EIPR1: variants seen among roughly 807,000 people sequenced by gnomAD.
EIPR1 encodes the protein EARP and GARP complex-interacting protein 1.
EIPR1 carries 25 observed loss-of-function variants against 48.1 expected under a neutral mutation model. The ratio of observed to expected loss-of-function variants is 0.52; its 90% CI spans 0.38 to 0.73. EIPR1 has a LOEUF of 0.73. EIPR1 is among the 30% of genes least tolerant of loss of function. The probability of loss-of-function intolerance (pLI) is 0.00; values close to 1 mark genes in which losing one functional copy is unlikely to be tolerated. For synonymous variants in EIPR1, 204 were observed against 201.9 expected (o/e 1.01, Z -0.09); for missense variants, 415 against 506.2 (o/e 0.82, Z 1.73).
At chr2:3,349,851 C>T (rs1223443340) in intron 2 of EIPR1, among the ~76,000 whole-genome samples, 4 of 152,120 alleles carry the variant, frequency 2.6e-5, no homozygotes, top group African/African-American at 4.8e-5. Context: ...AGGCCAGGTA[C>T]GGTGGCTCAC....
At chr2:3,243,058 A>C (rs1018383456) in intron 4 of EIPR1, among the ~76,000 whole-genome samples, 1 of 152,204 alleles carries the variant, frequency 6.6e-6, no homozygotes, top group Non-Finnish European at 1.5e-5. Context: ...TCTGACAGGC[A>C]AGCATGGAAG....
intron 4 of EIPR1, among the ~76,000 whole-genome samples, chr2:3,246,586 C>T (rs1170411504): frequency 6.6e-6 from 1 of 152,130 alleles, no homozygotes; most frequent in East Asian, 1.9e-4. Flanking sequence ...CAGAAACTGG[C>T]TCAGATGGCA....
chr2:3,285,622 C>A lies in EIPR1; in HGVS notation c.260-28167G>T, dbSNP rs200218738. ...GGTGGAGCCTCAGCTTCTGATGCTG[C>A]GCAAGAGTTACTAACACATGGAGCA... On this transcript the variant is annotated intron_variant, in intron 3 of 8. Transcript: ENST00000382125. Among the ~76,000 whole-genome samples the A allele has an allele frequency of 1.1e-4, 16 of 152,340 alleles. No homozygotes were observed. The East Asian group carries it at 2.3e-3, about 22-fold the overall frequency.
chr2:3,197,003 C>T lies in EIPR1; in HGVS notation c.531G>A (p.Ala177=), dbSNP rs776819922. The T allele has an allele frequency of 2.4e-5, 38 of 1,613,734 alleles. No individual in the cohort carries two copies. The highest frequency in any genetic ancestry group is 1.6e-4 in the Middle Eastern group (1 of 6,082). Reference sequence around the variant, plus strand: ...TCAGTTGTCCCTTCCCTTCCAGGGACGCTGAGCTGGCCAGCTGGGAGTGTC... The same window carrying T: ...TCAGTTGTCCCTTCCCTTCCAGGGATGCTGAGCTGGCCAGCTGGGAGTGTC... The part of the protein sequence containing the change: ...SSSQAVLASS[A]SLEGKGQLKF... Residue 177 remains alanine, a synonymous_variant, in exon 6 of 9, where the codon GCG becomes GCA. Transcript: ENST00000382125.
At chr2:3,287,117 G>A (rs1009814260) in intron 3 of EIPR1, among the ~76,000 whole-genome samples, 5 of 152,230 alleles carry the variant, frequency 3.3e-5, no homozygotes, top group African/African-American at 1.2e-4. Flanking sequence ...AGACCCAGCT[G>A]CAGCACCAAG....
chr2:3,198,750 T>C (rs964707328), intron 5 of EIPR1, among the ~76,000 whole-genome samples: 1 of 151,962 alleles, frequency 6.6e-6, no homozygotes, highest in South Asian at 2.1e-4. Context: ...AGTGTACGAA[T>C]AGGGTGTGGG....
intron 3 of EIPR1, among the ~76,000 whole-genome samples, chr2:3,283,970 G>T: frequency 6.8e-6 from 1 of 147,572 alleles, no homozygotes; most frequent in African/African-American, 2.5e-5. Flanking sequence ...AAAAAAGAAA[G>T]AAAGAAAAAA....
chr2:3,313,842 G>A (rs1306183714), intron 3 of EIPR1, among the ~76,000 whole-genome samples: 1 of 152,196 alleles, frequency 6.6e-6, no homozygotes, highest in African/African-American at 2.4e-5. Flanking sequence ...ACAGGATTCG[G>A]ATCAGGGAGG....
At chr2:3,359,379 G>A (rs748611970) in intron 1 of EIPR1, among the ~76,000 whole-genome samples, 1 of 152,146 alleles carries the variant, frequency 6.6e-6, no homozygotes, top group African/African-American at 2.4e-5. Context: ...TTGCAGAGCC[G>A]AGAGCTGCAT....
chr2:3,354,295 C>T (rs1670664676), intron 2 of EIPR1, among the ~76,000 whole-genome samples: 1 of 152,218 alleles, frequency 6.6e-6, no homozygotes, highest in Admixed American at 6.5e-5. Flanking sequence ...AAAGCCAAAT[C>T]TATATAACCA....
intron 6 of EIPR1, 184 bp from the exon 7 acceptor site, chr2:3,194,350 C>T (rs1481056235): frequency 1.6e-6 from 1 of 613,096 alleles, no homozygotes; most frequent in African/African-American, 1.8e-5. Flanking sequence ...CCCAGCAACC[C>T]TGTGTGGTCG....
At chr2:3,252,331 C>A (rs1370029974) in intron 4 of EIPR1, among the ~76,000 whole-genome samples, 1 of 152,194 alleles carries the variant, frequency 6.6e-6, no homozygotes, top group African/African-American at 2.4e-5. Context: ...CAGCTCACAC[C>A]TGTAATCTCA....
At position 3,377,808 on chromosome 2, in the gene EIPR1, G is replaced by A; in HGVS notation, c.-119C>T. The A allele has an allele frequency of 2.5e-6, 3 of 1,192,350 alleles. No individual in the cohort carries two copies. The highest frequency in any genetic ancestry group is 3.6e-6 in the Non-Finnish European group (3 of 844,058). The allele number at this position is 1,192,350 out of a possible 1,614,324, so 73.9% of individuals were successfully genotyped here. Reference sequence around the variant, plus strand: ...CATTCATTCCCTCCCCGCAGCAAACGACTCCAAACTGGAAGTCTTTCTGGC... The same window carrying A: ...CATTCATTCCCTCCCCGCAGCAAACAACTCCAAACTGGAAGTCTTTCTGGC... On this transcript the variant is annotated 5_prime_UTR_variant, in exon 1 of 9. Transcript: ENST00000382125.
rs1161448805 is a variant in EIPR1, at chr2:3,286,933, C to A, written c.260-29478G>T. Among the ~76,000 whole-genome samples, 6 of 142,292 alleles carry A rather than the reference C, an allele frequency of 4.2e-5. No individual in the cohort carries two copies. Among genetic ancestry groups the A allele is most frequent in the Non-Finnish European group, 9.2e-5 (6 of 65,204 alleles). 93.3% of individuals were successfully genotyped at this position (142,292 alleles called of 152,430 possible). A position where few individuals can be genotyped will look rare whatever the true frequency, so the allele number is the denominator to read the frequency against. ...ACAGAGTGCCAGCCGGCAGAGGGGG[C>A]GGTGGGGAGCACACAGAGTGCCAGC... On this transcript the variant is annotated intron_variant, in intron 3 of 8. Transcript: ENST00000382125. This position sits in a 1 kb window ranked among gnomAD's most constrained non-coding sequence, Gnocchi z 4.2.
At chr2:3,194,819 G>A (rs1299582528) in intron 6 of EIPR1, among the ~76,000 whole-genome samples, 3 of 152,078 alleles carry the variant, frequency 2.0e-5, no homozygotes, top group African/African-American at 7.2e-5. Flanking sequence ...AAGCAGGAAG[G>A]ACCATGCCAG....
intron 2 of EIPR1, among the ~76,000 whole-genome samples, chr2:3,341,908 T>C (rs1041665494): frequency 2.0e-4 from 31 of 152,176 alleles, no homozygotes; most frequent in African/African-American, 7.2e-4. Flanking sequence ...TTCTTTATTA[T>C]AACCAATGAC....
intron 3 of EIPR1, among the ~76,000 whole-genome samples, chr2:3,275,781 T>C (rs1167979460): frequency 6.6e-6 from 1 of 151,824 alleles, no homozygotes; most frequent in African/African-American, 2.4e-5. Context: ...AAAGGCAAAA[T>C]TGAGGATGTG....
At chr2:3,200,079 C>A (rs960348541) in intron 5 of EIPR1, among the ~76,000 whole-genome samples, 1 of 152,054 alleles carries the variant, frequency 6.6e-6, no homozygotes, top group Non-Finnish European at 1.5e-5. Context: ...TGGGGCCTCA[C>A]TAAGAGCTGG....
chr2:3,305,604 G>A (rs1486050818), intron 3 of EIPR1, among the ~76,000 whole-genome samples: 1 of 152,170 alleles, frequency 6.6e-6, no homozygotes, highest in Non-Finnish European at 1.5e-5. Context: ...AACGGACTGG[G>A]GCCACCTTCA....
Sources: allele counts gnomAD v4.1 joint callset (sites outside exome capture counted in the v4.1 genomes callset), GRCh38; gene constraint gnomAD v4.1.1; non-coding constraint Gnocchi (gnomAD v3.1); transcripts MANE v1.5; gene names NCBI Gene and HGNC (gene_info 2026-07-23, HGNC 2026-07-21).